The following DBNDD2 variants were observed in gnomAD, a reference collection of about 807,000 sequenced individuals.
DBNDD2 encodes dysbindin domain-containing protein 2.
Under a neutral mutation model 14.0 loss-of-function variants are expected in DBNDD2, and 8 were observed. The ratio of observed to expected loss-of-function variants is 0.57; its 90% CI spans 0.33 to 1.03. DBNDD2 has a LOEUF of 1.03. Among genes scored for constraint, DBNDD2 ranks in the 50% least tolerant of loss-of-function variants. The pLI is 0.03. For synonymous variants in DBNDD2, 94 were observed against 85.3 expected (o/e 1.10, Z -0.56); for missense variants, 194 against 206.0 (o/e 0.94, Z 0.36).
At chr20:45,406,438 C>T, upstream of DBNDD2, 1 of 1,521,984 alleles carries the variant, frequency 6.6e-7, no homozygotes, top group East Asian at 2.8e-5. Context: ...TCCGGCTGGG[C>T]GGAGGGAGGA....
At chr20:45,408,085 G>T, upstream of DBNDD2, 2 of 1,475,762 alleles carry the variant, frequency 1.4e-6, no homozygotes, top group Non-Finnish European at 9.0e-7. Flanking sequence ...GAGGCAAGCG[G>T]GGCCAATTAA....
upstream of DBNDD2, chr20:45,407,696 A>T: frequency 1.0e-6 from 1 of 993,774 alleles, no homozygotes; most frequent in Non-Finnish European, 1.2e-6. Flanking sequence ...AGGGGGACGC[A>T]TAAAGAGCTG....
upstream of DBNDD2, chr20:45,406,370 C>G (rs1219001837): frequency 7.6e-7 from 1 of 1,315,416 alleles, no homozygotes. Context: ...GCAGCAAGTG[C>G]ATCCGAGCGA....
In DBNDD2 at chr20:45,408,913, T is replaced by A. The variant is rs769261319; in HGVS notation, c.252T>A (p.Asp84Glu). The change falls in exon 2 of 3, where the codon GAT becomes GAA. Residue 84 changes from aspartate (D) to glutamate (E), a missense_variant. Transcript: ENST00000372710. ...CAGATGTGTTCTTGCCTTGCGAAGA[T>A]CCTCCACCAACCCCCCAGTCGTCTG... ...DAADVFLPCE[D>E]PPPTPQSSGM... 1 of 1,614,156 alleles carries A rather than the reference T, an allele frequency of 6.2e-7. No homozygotes were observed. The highest frequency in any genetic ancestry group is 1.7e-5 in the Admixed American group (1 of 60,006).
chr20:45,407,173 C>A, upstream of DBNDD2: 1 of 400,314 alleles, frequency 2.5e-6, no homozygotes, highest in Non-Finnish European at 3.4e-6. Flanking sequence ...CTCCTCGCTG[C>A]TGGAGCACAG....
chr20:45,406,719 C>T, upstream of DBNDD2: 1 of 1,290,930 alleles, frequency 7.7e-7, no homozygotes, highest in Non-Finnish European at 9.8e-7. Flanking sequence ...TCAGAGGGGG[C>T]GCCAGCGCTG....
chr20:45,408,166 A>G, upstream of DBNDD2: 1 of 1,546,198 alleles, frequency 6.5e-7, no homozygotes, highest in Non-Finnish European at 8.7e-7. Context: ...CATGATATGG[A>G]GAGTTGGGCA....
chr20:45,406,044 CT>C (rs1989341663), upstream of DBNDD2: 1 of 173,268 alleles, frequency 5.8e-6, no homozygotes, highest in Non-Finnish European at 1.2e-5. Context: ...GCGGCTCTGT[CT>C]AGTCCCAGAG....
At chr20:45,407,775 G>A, upstream of DBNDD2, 4 of 1,021,422 alleles carry the variant, frequency 3.9e-6, no homozygotes, top group Non-Finnish European at 4.7e-6. Flanking sequence ...TTGTATTTGA[G>A]GCAGGTAGGT....
At chr20:45,406,854 T>G (rs957860453), upstream of DBNDD2, 12 of 1,179,698 alleles carry the variant, frequency 1.0e-5, no homozygotes, top group African/African-American at 1.6e-4. Context: ...CTCGTGTCCC[T>G]TTTTAGGGAA....
rs1989748517 is a variant in DBNDD2 at position 45,409,918 on chromosome 20, T to A, written c.278-14T>A. ...GCCCTGTTTGTGGCCTGACCAGCTT[T>A]TCTCTCTGGGCAGGGATGGACAACC... is the stretch of plus-strand genomic sequence containing the variant. On this transcript the variant is annotated splice_polypyrimidine_tract_variant and intron_variant, in intron 2 of 2. Coordinates refer to ENST00000372710, the MANE Select transcript of DBNDD2 (RefSeq NM_001048225.4). The A allele has an allele frequency of 1.3e-6, 2 of 1,551,470 alleles. No individual in the cohort carries two copies. Among genetic ancestry groups the A allele is most frequent in the African/African-American group, 2.7e-5 (2 of 73,030 alleles).
intron 1 of DBNDD2, 47 bp from the exon 2 acceptor site, chr20:45,408,754 G>C (rs1012051469): frequency 6.3e-7 from 1 of 1,594,638 alleles, no homozygotes; most frequent in South Asian, 1.1e-5. Context: ...TCACTGTCCT[G>C]GTGTGCAGCT....
chr20:45,408,799 A>G lies in DBNDD2; in HGVS notation c.140-2A>G, dbSNP rs1314494718. ...CTGACTTGCCCACTTCTTGATCCGC[A>G]GCCCCCATAGGTAGTATCTCATCCA... is the stretch of plus-strand genomic sequence containing the variant. On this transcript the variant is annotated splice_acceptor_variant, in intron 1 of 2. Coordinates refer to ENST00000372710, the MANE Select transcript of DBNDD2 (RefSeq NM_001048225.4). LOFTEE classifies it high-confidence loss of function. 6.2e-7 allele frequency: 1 copy of G among 1,613,754 alleles called. No homozygotes were observed.
chr20:45,406,950 G>C (rs1989454863), upstream of DBNDD2, among the ~76,000 whole-genome samples: 1 of 152,192 alleles, frequency 6.6e-6, no homozygotes, highest in African/African-American at 2.4e-5. Flanking sequence ...CCGGCCCCTG[G>C]CAGCCTCCTG....
At chr20:45,408,124 T>C, upstream of DBNDD2, 5 of 1,513,708 alleles carry the variant, frequency 3.3e-6, no homozygotes, top group Non-Finnish European at 4.4e-6. Flanking sequence ...CCATTTGTGC[T>C]GAACCAATCC....
upstream of DBNDD2, chr20:45,406,383 G>T: frequency 7.1e-7 from 1 of 1,400,936 alleles, no homozygotes; most frequent in South Asian, 1.4e-5. Flanking sequence ...CCGAGCGAGC[G>T]GAGACTAGCG....
chr20:45,407,694 G>A (rs140818296), upstream of DBNDD2: 5 of 992,468 alleles, frequency 5.0e-6, no homozygotes, highest in African/African-American at 8.7e-5. Context: ...GGAGGGGGAC[G>A]CATAAAGAGC....
At chr20:45,407,947 C>A (rs1271457876), upstream of DBNDD2, 2 of 1,379,206 alleles carry the variant, frequency 1.5e-6, no homozygotes, top group African/African-American at 1.5e-5. Context: ...AAAGGAGGGG[C>A]GCGGGAGGAG....
At chr20:45,408,043 C>CT (rs1989569527), upstream of DBNDD2, 2 of 1,440,944 alleles carry the variant, frequency 1.4e-6, no homozygotes, top group Non-Finnish European at 1.8e-6. Flanking sequence ...CCTGAGATCT[C>CT]TGTCTCTATC....
Sources: allele counts gnomAD v4.1 joint callset (sites outside exome capture counted in the v4.1 genomes callset), GRCh38; gene constraint gnomAD v4.1.1; transcripts MANE v1.5; gene names NCBI Gene and HGNC (gene_info 2026-07-23, HGNC 2026-07-21).